Variants in NEDD4L observed in about 807,000 individuals in gnomAD.
NEDD4L encodes NEDD4 like E3 ubiquitin protein ligase.
In NEDD4L, 54 loss-of-function variants were observed where a neutral mutation model predicts 148.9. The observed-to-expected ratio is 0.36, with a 90% confidence interval of 0.29 to 0.45. The LOEUF is 0.45. NEDD4L is among the 20% of genes least tolerant of loss of function. NEDD4L has a pLI of 1.00. For missense variants in NEDD4L, 856 were observed against 1,233.8 expected (o/e 0.69, Z 4.59); for synonymous variants, 433 against 440.7 (o/e 0.98, Z 0.22).
chr18:58,098,061 A>G (rs567030613), intron 1 of NEDD4L, among the ~76,000 whole-genome samples: 25 of 152,316 alleles, frequency 1.6e-4, no homozygotes, highest in African/African-American at 6.0e-4. Flanking sequence ...CCAAAAGTAT[A>G]GTTGCAGAGA....
chr18:58,313,093 C>G (rs1396994776), intron 5 of NEDD4L, among the ~76,000 whole-genome samples: 1 of 152,228 alleles, frequency 6.6e-6, no homozygotes, highest in Admixed American at 6.5e-5. Flanking sequence ...TCACCAACTA[C>G]ATCTTCCATT....
chr18:58,066,387 G>GTTTTTT (rs368243667), intron 1 of NEDD4L, among the ~76,000 whole-genome samples: 13,596 of 111,026 alleles, frequency 0.12, 1,661 homozygotes, highest in South Asian at 0.18. Flanking sequence ...CTCTGTATTA[G>GTTTTTT]TTTTTTTTTT....
rs118158205 is a variant in NEDD4L at position 58,093,533 on chromosome 18, C to T, written c.48+48825C>T. On this transcript the variant is annotated intron_variant, in intron 1 of 30. Coordinates refer to ENST00000400345, the MANE Select transcript of NEDD4L (RefSeq NM_001144967.3). ...TAGGTGGGGTAAATAAAACATCTCC[C>T]ACCCCACCCAAATTGAAGCTGAATA... 7.9e-4 allele frequency among the ~76,000 whole-genome samples: 121 copies of T among 152,268 alleles called. No homozygotes were observed. The East Asian group carries it at 0.02, about 26-fold the overall frequency.
At position 58,341,064 on chromosome 18, in the gene NEDD4L, G is replaced by C. The variant is rs374472946; in HGVS notation, c.1152G>C (p.Thr384=). ...CATCAGTGGCCTATGTACATACCACGCCGGGTCTGCCTTCAGGCTGGGAAG... is the reference window on the plus strand; with the variant it reads ...CATCAGTGGCCTATGTACATACCACCCCGGGTCTGCCTTCAGGCTGGGAAG... The part of the protein sequence containing the change: ...PTPSVAYVHT[T]PGLPSGWEER... Residue 384 remains threonine, a synonymous_variant, in exon 14 of 31, where the codon ACG becomes ACC. Transcript: ENST00000400345. The C allele has an allele frequency of 1.2e-6, 2 of 1,610,592 alleles. No homozygotes were observed. The highest frequency in any genetic ancestry group is 4.5e-5 in the East Asian group (2 of 44,798).
At chr18:58,212,446 C>T (rs1271494996) in intron 2 of NEDD4L, among the ~76,000 whole-genome samples, 3 of 151,696 alleles carry the variant, frequency 2.0e-5, no homozygotes, top group African/African-American at 7.3e-5. Context: ...AGAGTGTATG[C>T]AGGGGAACTC....
At chr18:58,352,335 C>G (rs1316700755) in intron 18 of NEDD4L, among the ~76,000 whole-genome samples, 6 of 152,144 alleles carry the variant, frequency 3.9e-5, no homozygotes, top group Non-Finnish European at 2.9e-5. Context: ...AGAGAGGCCA[C>G]ACCTCTTTTT....
intron 1 of NEDD4L, among the ~76,000 whole-genome samples, chr18:58,157,983 G>A (rs1334007836): frequency 6.6e-6 from 1 of 152,206 alleles, no homozygotes. Flanking sequence ...CAGTTTCTGT[G>A]GGTCAGTAAA....
Position 58,323,339 on chromosome 18 carries a change from G to A in NEDD4L, c.513+5G>A, listed in dbSNP as rs367608631. On this transcript the variant is annotated splice_donor_5th_base_variant and intron_variant, in intron 8 of 30. Transcript: ENST00000400345. Reference sequence around the variant, plus strand: ...GACCAGAGGGATGACATGGAGGTACGTGGAGGGCGTCAGGCCTCTCTCCTT... The same window carrying A: ...GACCAGAGGGATGACATGGAGGTACATGGAGGGCGTCAGGCCTCTCTCCTT... The A allele has an allele frequency of 4.0e-6, 6 of 1,500,240 alleles. No individual in the cohort carries two copies. The highest frequency in any genetic ancestry group is 2.7e-5 in the African/African-American group (2 of 72,864). The allele number at this position is 1,500,240 out of a possible 1,614,324, so 92.9% of individuals were successfully genotyped here.
chr18:58,098,239 G>T (rs1042035302), intron 1 of NEDD4L, among the ~76,000 whole-genome samples: 1 of 152,000 alleles, frequency 6.6e-6, no homozygotes, highest in African/African-American at 2.4e-5. Context: ...GTGTTTGTTG[G>T]GAGGGACAGA....
chr18:58,203,540 A>G (rs2147479652), intron 2 of NEDD4L, among the ~76,000 whole-genome samples: 1 of 152,276 alleles, frequency 6.6e-6, no homozygotes, highest in African/African-American at 2.4e-5. Flanking sequence ...GTTGAGCATA[A>G]CAATATGGAA....
At chr18:58,184,822 G>A (rs886726638) in intron 2 of NEDD4L, among the ~76,000 whole-genome samples, 9 of 152,112 alleles carry the variant, frequency 5.9e-5, no homozygotes, top group African/African-American at 1.7e-4. Context: ...CAGCTACTTG[G>A]GAGGCTGAAG....
chr18:58,301,712 T>C (rs1183513656), intron 5 of NEDD4L, among the ~76,000 whole-genome samples: 1 of 152,198 alleles, frequency 6.6e-6, no homozygotes, highest in Non-Finnish European at 1.5e-5. Context: ...AGCTGTTGTC[T>C]GTGAATCGTA....
At chr18:58,072,941 A>G (rs1018185460) in intron 1 of NEDD4L, among the ~76,000 whole-genome samples, 4 of 152,192 alleles carry the variant, frequency 2.6e-5, no homozygotes, top group African/African-American at 9.6e-5. Context: ...ACAAGCTTGT[A>G]CATACAAGAA....
At chr18:58,182,758 A>G (rs1483656981) in intron 2 of NEDD4L, among the ~76,000 whole-genome samples, 3 of 152,208 alleles carry the variant, frequency 2.0e-5, no homozygotes, top group South Asian at 4.1e-4. Flanking sequence ...CTGGGATTAC[A>G]GGCGTGAGCC....
At chr18:58,044,983 G>C (rs996219520) in intron 1 of NEDD4L, 1 of 434,250 alleles carries the variant, frequency 2.3e-6, no homozygotes, top group East Asian at 3.5e-5. Flanking sequence ...GGAGGAGAGG[G>C]AGGGGGCATG....
chr18:58,234,319 C>G (rs1007194633), intron 2 of NEDD4L, among the ~76,000 whole-genome samples: 1 of 133,810 alleles, frequency 7.5e-6, no homozygotes, highest in African/African-American at 2.8e-5. Flanking sequence ...CCCCTTCCTC[C>G]CTCCTTCTCT....
intron 23 of NEDD4L, 52 bp downstream of exon 23, chr18:58,370,519 G>T: frequency 1.7e-6 from 2 of 1,207,368 alleles, no homozygotes; most frequent in South Asian, 1.2e-5. Flanking sequence ...CGTGTCTTAT[G>T]AGAAGGTATT....
At chr18:58,361,979 T>C (rs558636660) in intron 19 of NEDD4L, among the ~76,000 whole-genome samples, 1 of 152,150 alleles carries the variant, frequency 6.6e-6, no homozygotes, top group Non-Finnish European at 1.5e-5. Context: ...AGGAAGAGAA[T>C]GTAAAAACTT....
At chr18:58,100,662 G>A (rs913312589) in intron 1 of NEDD4L, among the ~76,000 whole-genome samples, 2 of 152,136 alleles carry the variant, frequency 1.3e-5, no homozygotes, top group African/African-American at 4.8e-5. Context: ...AGTGGGCAAG[G>A]CCTTAAAAAC....
Sources: allele counts gnomAD v4.1 joint callset (sites outside exome capture counted in the v4.1 genomes callset), GRCh38; gene constraint gnomAD v4.1.1; transcripts MANE v1.5; gene names NCBI Gene and HGNC (gene_info 2026-07-23, HGNC 2026-07-21).